The following TFEB variants were observed in gnomAD, a reference collection of about 807,000 sequenced individuals.
TFEB encodes the protein transcription factor EB, also known as T-cell transcription factor EB.
In TFEB, 12 loss-of-function variants were observed where a neutral mutation model predicts 48.0. That is an observed-to-expected ratio of 0.25 (90% confidence interval 0.16 to 0.40). TFEB has a LOEUF of 0.40. TFEB is among the 10% of genes least tolerant of loss of function. TFEB has a pLI of 1.00. For synonymous variants in TFEB, 244 were observed against 261.4 expected (o/e 0.93, Z 0.64); for missense variants, 509 against 640.3 (o/e 0.79, Z 2.21).
intron 1 of TFEB, among the ~76,000 whole-genome samples, chr6:41,696,346 G>A (rs1448164826): frequency 4.6e-5 from 7 of 152,192 alleles, no homozygotes; most frequent in East Asian, 1.9e-4. Flanking sequence ...ATGTTTGCGT[G>A]TATAGGAACC....
intron 1 of TFEB, among the ~76,000 whole-genome samples, chr6:41,713,378 T>C (rs1770569930): frequency 6.6e-6 from 1 of 152,148 alleles, no homozygotes; most frequent in Non-Finnish European, 1.5e-5. Context: ...CTGGTATCAG[T>C]GCTGACCACA....
In TFEB at chr6:41,691,646, C is replaced by G. The variant is rs1027274687; in HGVS notation, c.-22-411G>C. On this transcript the variant is annotated intron_variant, in intron 1 of 8. Transcript: ENST00000373033. The surrounding 1 kb of genome is among the most constrained non-coding windows in gnomAD (Gnocchi z 5.2). ...CCGCAGGAGTAGCCCAGTGTTCAGA[C>G]TGCCTCCTCTGGCTTGCCCTAGGAC... Among the ~76,000 whole-genome samples, 1 of 152,160 alleles carries G rather than the reference C, an allele frequency of 6.6e-6. No individual in the cohort carries two copies. The highest frequency in any genetic ancestry group is 2.4e-5 in the African/African-American group (1 of 41,426).
chr6:41,728,279 T>G (rs1013899631), intron 1 of TFEB, among the ~76,000 whole-genome samples: 1 of 152,200 alleles, frequency 6.6e-6, no homozygotes, highest in Non-Finnish European at 1.5e-5. Context: ...ACCTCTGATG[T>G]GCTCAGTACA....
intron 1 of TFEB, among the ~76,000 whole-genome samples, chr6:41,716,792 G>A (rs1770753947): frequency 6.6e-6 from 1 of 152,116 alleles, no homozygotes; most frequent in Non-Finnish European, 1.5e-5. Context: ...TCCAGGAGAG[G>A]ACACTCTCTG....
intron 1 of TFEB, among the ~76,000 whole-genome samples, chr6:41,699,544 C>T (rs1451593075): frequency 6.6e-6 from 1 of 152,188 alleles, no homozygotes; most frequent in Non-Finnish European, 1.5e-5. Flanking sequence ...ATTTTCTTTT[C>T]CAGAGCTTGT....
At chr6:41,713,725 C>T (rs1319975039) in intron 1 of TFEB, among the ~76,000 whole-genome samples, 1 of 152,138 alleles carries the variant, frequency 6.6e-6, no homozygotes, top group Non-Finnish European at 1.5e-5. Flanking sequence ...ATTTTCTATT[C>T]TCCCCAGAGC....
chr6:41,725,681 T>C (rs948859128), intron 1 of TFEB, among the ~76,000 whole-genome samples: 2 of 152,262 alleles, frequency 1.3e-5, no homozygotes, highest in African/African-American at 2.4e-5. Flanking sequence ...TCTCAATATA[T>C]GCTTCTTTCC....
intron 1 of TFEB, among the ~76,000 whole-genome samples, chr6:41,712,009 T>C (rs1024610431): frequency 6.6e-6 from 1 of 152,122 alleles, no homozygotes; most frequent in African/African-American, 2.4e-5. Flanking sequence ...GCACAGCCTA[T>C]AGAGCTCAGC....
intron 1 of TFEB, among the ~76,000 whole-genome samples, chr6:41,728,366 C>T (rs1012673918): frequency 3.3e-5 from 5 of 152,268 alleles, no homozygotes; most frequent in African/African-American, 4.8e-5. Flanking sequence ...ATGGGGGCAG[C>T]GCCAGCTGCC....
chr6:41,714,477 G>A (rs1357828353), intron 1 of TFEB, among the ~76,000 whole-genome samples: 2 of 152,226 alleles, frequency 1.3e-5, no homozygotes, highest in East Asian at 3.8e-4. Flanking sequence ...GGAAGAGGGA[G>A]CAGGGGCGAG....
Position 41,684,486 on chromosome 6 carries a change from C to A in TFEB, c.*113G>T. 1 of 1,300,132 alleles carries A rather than the reference C, an allele frequency of 7.7e-7. No individual in the cohort carries two copies. The highest frequency in any genetic ancestry group is 3.4e-5 in the Admixed American group (1 of 29,460). 80.5% of individuals were successfully genotyped at this position (1,300,132 alleles called of 1,614,324 possible). ...CAGGGGCCAACGGGGAGGAGGGAGG[C>A]AGGGCAGGTGGCTACTTCACACACA... is the stretch of plus-strand genomic sequence containing the variant. On this transcript the variant is annotated 3_prime_UTR_variant, in exon 9 of 9. Coordinates refer to ENST00000373033, the MANE Select transcript of TFEB (RefSeq NM_001271944.2).
chr6:41,727,277 G>A (rs1177600698), intron 1 of TFEB, among the ~76,000 whole-genome samples: 1 of 152,178 alleles, frequency 6.6e-6, no homozygotes, highest in Non-Finnish European at 1.5e-5. Context: ...TGGCAGAGAA[G>A]GAAATAAAGA....
intron 1 of TFEB, among the ~76,000 whole-genome samples, chr6:41,703,549 C>G (rs1011550128): frequency 6.6e-6 from 1 of 152,226 alleles, no homozygotes; most frequent in Non-Finnish European, 1.5e-5. Context: ...TTTTAAGAGT[C>G]AAACCTGCTT....
At chr6:41,694,560 C>T (rs992440444) in intron 1 of TFEB, among the ~76,000 whole-genome samples, 3 of 151,996 alleles carry the variant, frequency 2.0e-5, no homozygotes, top group Admixed American at 6.6e-5. Flanking sequence ...GATCAGAGAG[C>T]GATGGGGGTG....
chr6:41,698,264 G>A (rs1769713737), intron 1 of TFEB, among the ~76,000 whole-genome samples: 1 of 152,168 alleles, frequency 6.6e-6, no homozygotes, highest in South Asian at 2.1e-4. Flanking sequence ...CTGGCAGTCT[G>A]GCTGCACCGC....
intron 1 of TFEB, among the ~76,000 whole-genome samples, chr6:41,718,959 C>T (rs920037695): frequency 5.9e-5 from 9 of 152,254 alleles, no homozygotes; most frequent in Middle Eastern, 3.4e-3. Flanking sequence ...AATCCATGGC[C>T]GGTTAGGAAC....
intron 1 of TFEB, among the ~76,000 whole-genome samples, chr6:41,713,671 C>T (rs1009815146): frequency 6.6e-6 from 1 of 152,184 alleles, no homozygotes; most frequent in African/African-American, 2.4e-5. Context: ...CCACCTTACT[C>T]CTCAGGCTGT....
intron 1 of TFEB, among the ~76,000 whole-genome samples, chr6:41,709,962 AT>A (rs1770409914): frequency 6.6e-6 from 1 of 151,730 alleles, no homozygotes. Flanking sequence ...TAATTTGTTT[AT>A]TTTTTGTAGA....
At chr6:41,698,927 C>T (rs780338832) in intron 1 of TFEB, among the ~76,000 whole-genome samples, 1 of 152,228 alleles carries the variant, frequency 6.6e-6, no homozygotes, top group Non-Finnish European at 1.5e-5. Flanking sequence ...AGCCATTCCA[C>T]ATTACGGAGG....
Sources: gnomAD v4.1 joint callset for allele counts (sites outside exome capture counted in the v4.1 genomes callset) on GRCh38, gnomAD v4.1.1 for gene constraint, Gnocchi (gnomAD v3.1) non-coding constraint, MANE v1.5 for transcripts, NCBI Gene and HGNC (gene_info 2026-07-23, HGNC 2026-07-21) for gene names.